PCDHA1: variants seen among roughly 807,000 people sequenced by gnomAD.
PCDHA1 encodes the protein protocadherin alpha 1.
A neutral mutation model predicts 61.3 loss-of-function variants in PCDHA1; 42 were observed. The ratio of observed to expected loss-of-function variants is 0.69; its 90% CI spans 0.54 to 0.89. The LOEUF is 0.89. Among genes scored for constraint, PCDHA1 ranks in the 40% least tolerant of loss-of-function variants. PCDHA1 has a pLI of 0.00. For missense variants in PCDHA1, 1,256 were observed against 1,235.3 expected, an observed-to-expected ratio of 1.02 and a Z score of -0.25; for synonymous variants, 610 against 553.8, an observed-to-expected ratio of 1.10 and a Z score of -1.43.
In PCDHA1 at chr5:140,786,297, T is replaced by C. The variant is rs782715199; in HGVS notation, c.7T>C (p.Phe3Leu). The change falls in exon 1 of 4, where the codon TTT (phenylalanine) becomes CTT (leucine). Residue 3 changes from phenylalanine to leucine, a missense_variant. Phe to Leu is a conservative substitution (Grantham distance 22). Coordinates refer to ENST00000504120, the MANE Select transcript of PCDHA1 (RefSeq NM_018900.4). MV[F>L]SRRGGLGARD... ...AAGGTGTAGTCCTTTTGCAATGGTG[T>C]TTTCTAGGAGAGGGGGCCTGGGAGC... 8 of 1,601,258 alleles carry C rather than the reference T, an allele frequency of 5.0e-6. No individual in the cohort carries two copies. Among genetic ancestry groups the C allele is most frequent in the Non-Finnish European group, 6.8e-6 (8 of 1,174,072 alleles).
chr5:140,966,709 G>C, intron 1 of PCDHA1: 1 of 1,387,174 alleles, frequency 7.2e-7, no homozygotes. Context: ...CGTGGGGCAC[G>C]GCTGGGGAAG....
chr5:140,913,055 T>G (rs1554195719), intron 1 of PCDHA1, among the ~76,000 whole-genome samples: 2 of 152,184 alleles, frequency 1.3e-5, no homozygotes, highest in African/African-American at 4.8e-5. Context: ...GAGTTTTATT[T>G]TATTTTGATG....
chr5:140,886,945 A>T (rs2061235497), intron 1 of PCDHA1, among the ~76,000 whole-genome samples: 1 of 152,148 alleles, frequency 6.6e-6, no homozygotes, highest in Admixed American at 6.5e-5. Flanking sequence ...TGTTCTACAC[A>T]TTAGACATTT....
intron 1 of PCDHA1, among the ~76,000 whole-genome samples, chr5:140,921,524 T>C (rs2080251541): frequency 6.6e-6 from 1 of 152,164 alleles, no homozygotes; most frequent in South Asian, 2.1e-4. Flanking sequence ...GAAATAAAAA[T>C]CTGCTGATAG....
intron 1 of PCDHA1, among the ~76,000 whole-genome samples, chr5:140,844,879 A>T (rs1779591756): frequency 6.7e-6 from 1 of 149,298 alleles, no homozygotes; most frequent in Non-Finnish European, 1.5e-5. Flanking sequence ...TACCCATTAG[A>T]CTTCGTGCAT....
At chr5:140,807,971 A>G in intron 1 of PCDHA1, 1 of 1,613,976 alleles carries the variant, frequency 6.2e-7, no homozygotes, top group Non-Finnish European at 8.5e-7. Flanking sequence ...AACATTGGTA[A>G]TTAAACTTAA....
At chr5:140,835,995 C>G in intron 1 of PCDHA1, 7 of 1,613,324 alleles carry the variant, frequency 4.3e-6, no homozygotes, top group Non-Finnish European at 5.1e-6. Context: ...GGTGAGCGCG[C>G]GCGATGCGGG....
intron 1 of PCDHA1, among the ~76,000 whole-genome samples, chr5:140,821,387 T>G (rs1380129357): frequency 1.3e-5 from 2 of 152,218 alleles, no homozygotes; most frequent in African/African-American, 4.8e-5. Context: ...ATGACGCACT[T>G]ATATTGACGC....
intron 1 of PCDHA1, among the ~76,000 whole-genome samples, chr5:140,926,146 G>T (rs553563976): frequency 6.6e-5 from 10 of 152,056 alleles, no homozygotes; most frequent in Non-Finnish European, 1.3e-4. Context: ...GATCCAGCGC[G>T]GAAAGCTCTG....
At chr5:140,876,310 G>C (rs1167952130) in intron 1 of PCDHA1, 2 of 1,613,982 alleles carry the variant, frequency 1.2e-6, no homozygotes, top group Non-Finnish European at 1.7e-6. Context: ...AATTTCCTAT[G>C]GGATCAAAAT....
At chr5:140,842,951 C>T in intron 1 of PCDHA1, 2 of 1,594,846 alleles carry the variant, frequency 1.3e-6, no homozygotes, top group Non-Finnish European at 1.7e-6. Context: ...GGGCGTGCCG[C>T]CTCTGGGCAG....
intron 1 of PCDHA1, chr5:140,796,571 G>A (rs202138167): frequency 2.7e-5 from 44 of 1,612,980 alleles, no homozygotes; most frequent in Non-Finnish European, 3.4e-5. Context: ...TTCCAGGTGA[G>A]CGCGCGGGAT....
chr5:140,981,861 A>G (rs1554243465), intron 2 of PCDHA1, among the ~76,000 whole-genome samples: 1 of 152,126 alleles, frequency 6.6e-6, no homozygotes, highest in Non-Finnish European at 1.5e-5. Context: ...ACTCCCAGCA[A>G]TGTTTTATGC....
intron 1 of PCDHA1, chr5:140,836,621 G>A (rs2150265986): frequency 1.9e-5 from 31 of 1,613,494 alleles, no homozygotes; most frequent in Non-Finnish European, 2.5e-5. Context: ...GCGCGGTGGG[G>A]AGCTGGTCAT....
At chr5:140,926,375 C>G (rs1265113344) in intron 1 of PCDHA1, 1 of 152,328 alleles carries the variant, frequency 6.6e-6, no homozygotes, top group African/African-American at 2.4e-5. Flanking sequence ...CAGGAAGAGC[C>G]CAGCTGGGCT....
In PCDHA1 at chr5:140,797,010, G is replaced by T. The variant is rs782780304; in HGVS notation, c.2394+8326G>T. 5 of 1,613,628 alleles carry T rather than the reference G, an allele frequency of 3.1e-6. No individual in the cohort carries two copies. In the South Asian group the frequency reaches 5.5e-5, roughly 18 times the overall value. On this transcript the variant is annotated intron_variant, in intron 1 of 3. Coordinates refer to ENST00000504120, the MANE Select transcript of PCDHA1 (RefSeq NM_018900.4). ...AGGCACCCAAGGCCTCGTCGCGGGCGTGGGTGGGCGCCGCGGGCTCAGAGG... is the reference window on the plus strand; with the variant it reads ...AGGCACCCAAGGCCTCGTCGCGGGCTTGGGTGGGCGCCGCGGGCTCAGAGG...
intron 1 of PCDHA1, among the ~76,000 whole-genome samples, chr5:140,793,242 T>C (rs1761758006): frequency 6.6e-6 from 1 of 152,236 alleles, no homozygotes. Flanking sequence ...AAAGGAATTA[T>C]AAATGTGGAG....
At chr5:140,830,182 C>G (rs2150182524) in intron 1 of PCDHA1, 11 of 1,613,538 alleles carry the variant, frequency 6.8e-6, no homozygotes, top group Non-Finnish European at 8.5e-6. Flanking sequence ...TGGATGTCAA[C>G]GTGTACCTGA....
At chr5:140,965,113 G>C (rs1343720863) in intron 1 of PCDHA1, among the ~76,000 whole-genome samples, 1 of 152,218 alleles carries the variant, frequency 6.6e-6, no homozygotes, top group Non-Finnish European at 1.5e-5. Context: ...ATGACCCATA[G>C]AGGAAGATCT....
Sources: gnomAD v4.1 joint callset for allele counts (sites outside exome capture counted in the v4.1 genomes callset) on GRCh38, gnomAD v4.1.1 for gene constraint, MANE v1.5 for transcripts, NCBI Gene and HGNC (gene_info 2026-07-23, HGNC 2026-07-21) for gene names.